The following DPYD variants were observed in gnomAD, a reference collection of about 807,000 sequenced individuals.
The protein encoded by DPYD is dihydropyrimidine dehydrogenase, also known as dihydropyrimidine dehydrogenase [NADP(+)].
A neutral mutation model predicts 116.2 loss-of-function variants in DPYD; 109 were observed. That is an observed-to-expected ratio of 0.94 (90% CI 0.80 to 1.10). The LOEUF is 1.10. DPYD is among the 50% of genes least tolerant of loss of function. The pLI is 0.00. For synonymous variants in DPYD, 440 were observed against 432.0 expected (o/e 1.02, Z -0.23); for missense variants, 1,302 against 1,254.5 (o/e 1.04, Z -0.57).
At chr1:97,688,361 G>A (rs1469600743) in intron 7 of DPYD, among the ~76,000 whole-genome samples, 1 of 152,008 alleles carries the variant, frequency 6.6e-6, no homozygotes, top group Non-Finnish European at 1.5e-5. Flanking sequence ...TACTGAAATA[G>A]TAGACTTAAA....
chr1:97,498,011 A>C (rs1384433838), intron 13 of DPYD, among the ~76,000 whole-genome samples: 1 of 151,870 alleles, frequency 6.6e-6, no homozygotes, highest in Non-Finnish European at 1.5e-5. Context: ...AAATGCTACA[A>C]CACAGGTAAA....
At chr1:97,810,942 A>G (rs1668321198) in intron 3 of DPYD, among the ~76,000 whole-genome samples, 1 of 152,066 alleles carries the variant, frequency 6.6e-6, no homozygotes, top group Admixed American at 6.6e-5. Context: ...ATCTCCCACA[A>G]TGTAACTCCG....
At chr1:97,467,160 C>T (rs566542486) in intron 13 of DPYD, among the ~76,000 whole-genome samples, 78 of 152,264 alleles carry the variant, frequency 5.1e-4, no homozygotes, top group Non-Finnish European at 9.4e-4. Flanking sequence ...AGTTGTTTTT[C>T]GGAAATCTGT....
At chr1:97,486,313 G>A (rs1471023589) in intron 13 of DPYD, among the ~76,000 whole-genome samples, 1 of 152,114 alleles carries the variant, frequency 6.6e-6, no homozygotes, top group Non-Finnish European at 1.5e-5. Context: ...TTTAAGGGCT[G>A]AAGAGAACAC....
chr1:97,101,616 C>T (rs897270854), intron 20 of DPYD, among the ~76,000 whole-genome samples: 4 of 151,924 alleles, frequency 2.6e-5, no homozygotes, highest in African/African-American at 9.7e-5. Flanking sequence ...GTTCAAATCT[C>T]TGCCTGAACA....
chr1:97,620,360 A>G (rs1025099831), intron 8 of DPYD, among the ~76,000 whole-genome samples: 4 of 152,204 alleles, frequency 2.6e-5, no homozygotes, highest in Middle Eastern at 3.4e-3. Context: ...GACTATCGGC[A>G]CATGCCACCA....
intron 12 of DPYD, among the ~76,000 whole-genome samples, chr1:97,538,957 T>C (rs1367541571): frequency 1.3e-5 from 2 of 152,126 alleles, no homozygotes; most frequent in Non-Finnish European, 2.9e-5. Flanking sequence ...CACCTTAACG[T>C]GGACACTTAC....
intron 20 of DPYD, among the ~76,000 whole-genome samples, chr1:97,165,804 C>A (rs1249774354): frequency 6.6e-6 from 1 of 151,910 alleles, no homozygotes; most frequent in Non-Finnish European, 1.5e-5. Context: ...ATGTGGCCAA[C>A]AAGTATATGA....
At chr1:97,318,596 C>G (rs1294015782) in intron 16 of DPYD, among the ~76,000 whole-genome samples, 1 of 151,778 alleles carries the variant, frequency 6.6e-6, no homozygotes, top group African/African-American at 2.4e-5. Flanking sequence ...CCTGAGTGAC[C>G]TACAAAGAGA....
intron 20 of DPYD, among the ~76,000 whole-genome samples, chr1:97,113,287 A>G (rs1397930164): frequency 6.6e-6 from 1 of 152,122 alleles, no homozygotes; most frequent in Non-Finnish European, 1.5e-5. Context: ...CCATTTAGGG[A>G]TAATCTGGGC....
intron 18 of DPYD, among the ~76,000 whole-genome samples, chr1:97,276,904 C>T (rs935867702): frequency 2.6e-5 from 4 of 152,142 alleles, no homozygotes; most frequent in African/African-American, 9.7e-5. Flanking sequence ...GACACATGTG[C>T]TTGTATGTTC....
intron 13 of DPYD, among the ~76,000 whole-genome samples, chr1:97,456,416 T>C (rs1224195486): frequency 1.3e-5 from 2 of 152,046 alleles, no homozygotes; most frequent in Non-Finnish European, 2.9e-5. Flanking sequence ...ATCTCTTCAT[T>C]TTTCTTTCTG....
intron 18 of DPYD, among the ~76,000 whole-genome samples, chr1:97,302,997 C>T (rs1393011793): frequency 6.6e-6 from 1 of 151,934 alleles, no homozygotes; most frequent in Non-Finnish European, 1.5e-5. Flanking sequence ...CCCTTATTAG[C>T]TAATGCATTT....
rs185553770 is a variant in DPYD at position 97,414,977 on chromosome 1, T to G, written c.1906-32516A>C. Among the ~76,000 whole-genome samples the G allele has an allele frequency of 1.1e-4, 17 of 152,332 alleles. No homozygotes were observed. In the East Asian group the frequency reaches 3.1e-3, roughly 28 times the overall value. On this transcript the variant is annotated intron_variant, in intron 14 of 22. Transcript: ENST00000370192. ...AAAAACTCATTAACTTATTTCACTT[T>G]TAGCTAATATTTTCTTTATCAAATG... is the stretch of plus-strand genomic sequence containing the variant.
At chr1:97,692,127 T>A (rs558513892) in intron 6 of DPYD, among the ~76,000 whole-genome samples, 1 of 152,218 alleles carries the variant, frequency 6.6e-6, no homozygotes, top group South Asian at 2.1e-4. Flanking sequence ...AATAATTCTA[T>A]AAATTCCTAA....
chr1:97,712,049 C>A (rs1662316612), intron 5 of DPYD, among the ~76,000 whole-genome samples: 2 of 151,932 alleles, frequency 1.3e-5, no homozygotes, highest in African/African-American at 4.8e-5. Context: ...TTCTCATTAT[C>A]CTTAGTATTG....
intron 18 of DPYD, among the ~76,000 whole-genome samples, chr1:97,248,096 T>A (rs138495673): frequency 4.6e-5 from 7 of 152,268 alleles, no homozygotes; most frequent in South Asian, 2.1e-4. Flanking sequence ...GACTCAAATA[T>A]CTGTATTAAA....
At chr1:97,627,213 T>C (rs949530023) in intron 8 of DPYD, among the ~76,000 whole-genome samples, 2 of 152,036 alleles carry the variant, frequency 1.3e-5, no homozygotes, top group Non-Finnish European at 2.9e-5. Context: ...AAACAGTCCA[T>C]AACACAAGGT....
At chr1:97,541,302 A>G (rs139727299) in intron 12 of DPYD, among the ~76,000 whole-genome samples, 27 of 152,350 alleles carry the variant, frequency 1.8e-4, no homozygotes, top group African/African-American at 3.1e-4. Flanking sequence ...GGTTGATTCT[A>G]TGAAAACTAA....
Sources: allele counts gnomAD v4.1 joint callset (sites outside exome capture counted in the v4.1 genomes callset), GRCh38; gene constraint gnomAD v4.1.1; transcripts MANE v1.5; gene names NCBI Gene and HGNC (gene_info 2026-07-23, HGNC 2026-07-21).